TIGIT: variants seen among roughly 807,000 people sequenced by gnomAD.
TIGIT encodes the protein T cell immunoreceptor with Ig and ITIM domains.
In TIGIT, 11 loss-of-function variants were observed where a neutral mutation model predicts 19.6. The ratio of observed to expected loss-of-function variants is 0.56; its 90% CI spans 0.35 to 0.93. The LOEUF (loss-of-function observed/expected upper bound fraction) is 0.93, where lower values mean the gene tolerates loss of function less well. TIGIT is among the 40% of genes least tolerant of loss of function. TIGIT has a pLI of 0.01. For missense variants in TIGIT, 295 were observed against 303.9 expected (o/e 0.97, Z 0.22); for synonymous variants, 130 against 125.5 (o/e 1.04, Z -0.24).
rs142214894 is a variant in TIGIT at position 114,303,086 on chromosome 3, T to C, written c.498+3383T>C. Among the ~76,000 whole-genome samples the C allele has an allele frequency of 1.4e-4, 22 of 152,312 alleles. No individual in the cohort carries two copies. In the East Asian group the frequency reaches 3.3e-3, roughly 23 times the overall value. The stretch of plus-strand genomic sequence containing the variant: ...AAATGTTAATTTCATATAATTTTTA[T>C]GTGTAATAAAATATTCGTTTTTCTT... On this transcript the variant is annotated intron_variant, in intron 3 of 3. Transcript: ENST00000383671.
chr3:114,300,372 T>TA (rs578124033), intron 3 of TIGIT, among the ~76,000 whole-genome samples: 1,542 of 138,764 alleles, frequency 0.011, 15 homozygotes, highest in African/African-American at 0.031. Flanking sequence ...ACTCTATCTC[T>TA]AAAAAAAAAA....
rs1016497854 is a variant in TIGIT, at chr3:114,299,519, G to A, written c.392-78G>A. The A allele has an allele frequency of 7.3e-5, 82 of 1,130,092 alleles. 4 individuals carry two copies. Among genetic ancestry groups the A allele is most frequent in the South Asian group, 3.8e-4 (30 of 79,404 alleles). The allele number at this position is 1,130,092 out of a possible 1,614,324, so 70.0% of individuals were successfully genotyped here. On this transcript the variant is annotated intron_variant, in intron 2 of 3. Transcript: ENST00000383671. Reference sequence around the variant, plus strand: ...CTTGGCCAATCCTCCCCTCTCTGCCGTGAAGCTCAGGCTGCCCTGGGGAAA... The same window carrying A: ...CTTGGCCAATCCTCCCCTCTCTGCCATGAAGCTCAGGCTGCCCTGGGGAAA...
In TIGIT at chr3:114,295,764, C is replaced by T. The variant is rs770177197; in HGVS notation, c.281C>T (p.Thr94Ile). The T allele has an allele frequency of 1.9e-6, 3 of 1,614,182 alleles. No homozygotes were observed. The highest frequency in any genetic ancestry group is 2.2e-5 in the South Asian group (2 of 91,086). ...GCCCCAGGTCCCGGCCTGGGCCTCA[C>T]CCTCCAGTCGCTGACCGTGAACGAT... is the stretch of plus-strand genomic sequence containing the variant. ...RVAPGPGLGL[T>I]LQSLTVNDTG... Residue 94 changes from threonine to isoleucine, a missense_variant, in exon 2 of 4, where the codon ACC (threonine) becomes ATC (isoleucine). By Grantham distance (89) the Thr-to-Ile change is moderately conservative. Transcript: ENST00000383671.
intron 3 of TIGIT, among the ~76,000 whole-genome samples, chr3:114,306,943 C>T (rs2683787): frequency 0.99 from 150,717 of 152,296 alleles, 74,581 homozygotes; most frequent in East Asian, 1. Flanking sequence ...ACTCTGCTGG[C>T]GACCATGTGG....
intron 3 of TIGIT, among the ~76,000 whole-genome samples, chr3:114,306,305 C>A (rs2078534518): frequency 6.6e-6 from 1 of 152,222 alleles, no homozygotes; most frequent in Non-Finnish European, 1.5e-5. Context: ...TTCACTCAGA[C>A]TGACATGCCA....
At chr3:114,304,334 T>C (rs1045463623) in intron 3 of TIGIT, among the ~76,000 whole-genome samples, 1 of 152,174 alleles carries the variant, frequency 6.6e-6, no homozygotes, top group Non-Finnish European at 1.5e-5. Flanking sequence ...CAGTGGGCCA[T>C]ATTTGACCCA....
At chr3:114,300,371 C>G (rs547331431) in intron 3 of TIGIT, among the ~76,000 whole-genome samples, 3 of 146,798 alleles carry the variant, frequency 2.0e-5, no homozygotes, top group African/African-American at 2.6e-5. Context: ...GACTCTATCT[C>G]TAAAAAAAAA....
rs964918077 is a variant in TIGIT at position 114,307,965 on chromosome 3, G to A, written c.569G>A (p.Ser190Asn). 3 of 1,614,042 alleles carry A rather than the reference G, an allele frequency of 1.9e-6. No homozygotes were observed. Among genetic ancestry groups the A allele is most frequent in the Admixed American group, 1.7e-5 (1 of 60,004 alleles). ...AAATCAGCTGGACAGGAGGAATGGAGCCCCAGTGCTCCCTCACCCCCAGGA... is the reference window on the plus strand; with the variant it reads ...AAATCAGCTGGACAGGAGGAATGGAACCCCAGTGCTCCCTCACCCCCAGGA... ...RRKSAGQEEW[S>N]PSAPSPPGSC... Residue 190 changes from serine (S) to asparagine (N), a missense_variant, in exon 4 of 4, where the codon AGC becomes AAC. By Grantham distance (46) the Ser-to-Asn change is conservative (BLOSUM62 1). Transcript: ENST00000383671.
chr3:114,303,804 T>A (rs562344836), intron 3 of TIGIT, among the ~76,000 whole-genome samples: 1 of 152,130 alleles, frequency 6.6e-6, no homozygotes, highest in Non-Finnish European at 1.5e-5. Flanking sequence ...CTGGATTAAA[T>A]CATAGTTCTA....
At chr3:114,294,183 A>G (rs1412996099) in intron 1 of TIGIT, 61 bp downstream of exon 1, 1 of 1,384,598 alleles carries the variant, frequency 7.2e-7, no homozygotes, top group Non-Finnish European at 9.8e-7. Flanking sequence ...TTGGTTGGAG[A>G]CTTGGGTGCT....
chr3:114,303,518 C>CATATATATGTATATATATATAT (rs1162604395), intron 3 of TIGIT, among the ~76,000 whole-genome samples: 10 of 4,940 alleles, frequency 2.0e-3, no homozygotes, highest in African/African-American at 3.9e-3. Context: ...TATATATATA[C>CATATATATGTATATATATATAT]ACATATATAT....
At chr3:114,297,905 G>T (rs1170476512) in intron 2 of TIGIT, among the ~76,000 whole-genome samples, 1 of 152,164 alleles carries the variant, frequency 6.6e-6, no homozygotes, top group African/African-American at 2.4e-5. Flanking sequence ...TGGTCACTCG[G>T]CTCTTCCCTC....
At position 114,295,618 on chromosome 3, in the gene TIGIT, T is replaced by C. The variant is rs751908950; in HGVS notation, c.135T>C (p.Cys45=). 2 of 1,614,204 alleles carry C rather than the reference T, an allele frequency of 1.2e-6. No individual in the cohort carries two copies. Among genetic ancestry groups the C allele is most frequent in the Non-Finnish European group, 1.7e-6 (2 of 1,180,038 alleles). ...AEKGGSIILQ[C]HLSSTTAQVT... ...AAGGTGGCTCTATCATCTTACAATG[T>C]CACCTCTCCTCCACCACGGCACAAG... Residue 45 remains cysteine, a synonymous_variant, in exon 2 of 4, where the codon TGT becomes TGC. Transcript: ENST00000383671.
chr3:114,303,895 C>T (rs1238116554), intron 3 of TIGIT, among the ~76,000 whole-genome samples: 2 of 152,046 alleles, frequency 1.3e-5, no homozygotes, highest in Non-Finnish European at 2.9e-5. Context: ...TAAAAGTGTT[C>T]CCCTTTCACC....
chr3:114,298,517 T>A lies in TIGIT; in HGVS notation c.392-1080T>A, dbSNP rs1419127294. ...ATATATCCTTTCCTGGTTTTATGGA[T>A]AGCCCTCTGCAGCCCCTCTTACCTG... On this transcript the variant is annotated intron_variant, in intron 2 of 3. Transcript: ENST00000383671. Among the ~76,000 whole-genome samples the A allele has an allele frequency of 5.9e-5, 9 of 152,226 alleles. No homozygotes were observed. In the East Asian group the frequency reaches 9.6e-4, roughly 16 times the overall value.
Position 114,308,284 on chromosome 3 carries a change from AT to A in TIGIT, c.*154del. 1 of 671,098 alleles carries A rather than the reference AT, an allele frequency of 1.5e-6. No individual in the cohort carries two copies. The highest frequency in any genetic ancestry group is 2.6e-6 in the Non-Finnish European group (1 of 385,228). 41.6% of individuals were successfully genotyped at this position (671,098 alleles called of 1,614,324 possible). A position where few individuals can be genotyped will look rare whatever the true frequency, so the allele number is the denominator to read the frequency against. On this transcript the variant is annotated 3_prime_UTR_variant, in exon 4 of 4. Coordinates refer to ENST00000383671, the MANE Select transcript of TIGIT (RefSeq NM_173799.4). ...GTGAATAAATGTCATCCTCTTCTCC[AT>A]CTTCATTTCCTTGGCCTTTTCGTTC...
intron 2 of TIGIT, 133 bp downstream of exon 2, chr3:114,296,007 C>G (rs969609512): frequency 1.4e-5 from 10 of 736,468 alleles, no homozygotes; most frequent in South Asian, 1.9e-5. Context: ...TTAAATCATA[C>G]TGATGCCGAG....
chr3:114,298,723 G>GA (rs2078470742), intron 2 of TIGIT, among the ~76,000 whole-genome samples: 1 of 152,214 alleles, frequency 6.6e-6, no homozygotes, highest in African/African-American at 2.4e-5. Flanking sequence ...TTATGGATTG[G>GA]ATTCCTAAGC....
At chr3:114,303,507 AT>A (rs2078506021) in intron 3 of TIGIT, among the ~76,000 whole-genome samples, 1 of 6,110 alleles carries the variant, frequency 1.6e-4, no homozygotes. Flanking sequence ...ATATATATGT[AT>A]ATATATATAC....
Sources: gnomAD v4.1 joint callset for allele counts (sites outside exome capture counted in the v4.1 genomes callset) on GRCh38, gnomAD v4.1.1 for gene constraint, MANE v1.5 for transcripts, NCBI Gene and HGNC (gene_info 2026-07-23, HGNC 2026-07-21) for gene names.